The following ST3GAL3 variants were observed in gnomAD, a reference collection of about 807,000 sequenced individuals.
The protein encoded by ST3GAL3 is CMP-N-acetylneuraminate-beta-1,4-galactoside alpha-2,3-sialyltransferase.
A neutral mutation model predicts 50.1 loss-of-function variants in ST3GAL3; 21 were observed. The observed-to-expected ratio is 0.42, with a 90% CI of 0.30 to 0.60. The LOEUF (loss-of-function observed/expected upper bound fraction) is 0.60. Among genes scored for constraint, ST3GAL3 ranks in the 20% least tolerant of loss-of-function variants. The pLI, the probability that ST3GAL3 is intolerant of heterozygous loss-of-function variation, is 0.19. For missense variants in ST3GAL3, 353 were observed against 489.4 expected (o/e 0.72, Z 2.63); for synonymous variants, 183 against 190.0 (o/e 0.96, Z 0.30).
At chr1:43,797,464 A>G (rs1350529592) in intron 3 of ST3GAL3, among the ~76,000 whole-genome samples, 1 of 152,206 alleles carries the variant, frequency 6.6e-6, no homozygotes, top group African/African-American at 2.4e-5. Context: ...AGTGTGGTTT[A>G]TCCTGGGAAT....
chr1:43,864,107 C>A (rs565726500), intron 5 of ST3GAL3, among the ~76,000 whole-genome samples: 1 of 151,940 alleles, frequency 6.6e-6, no homozygotes, highest in Non-Finnish European at 1.5e-5. Flanking sequence ...GGCAAAACCC[C>A]GTCTCTACTA....
chr1:43,736,426 G>A, intron 2 of ST3GAL3, 46 bp downstream of exon 2: 1 of 1,614,092 alleles, frequency 6.2e-7, no homozygotes, highest in East Asian at 2.2e-5. Flanking sequence ...CCTGTTGCAG[G>A]TCAGTTACTG....
At chr1:43,745,742 C>T (rs1372648789) in intron 2 of ST3GAL3, among the ~76,000 whole-genome samples, 6 of 152,202 alleles carry the variant, frequency 3.9e-5, no homozygotes, top group African/African-American at 1.4e-4. Flanking sequence ...AATTCTCATG[C>T]CTCAGCCTCC....
intron 1 of ST3GAL3, among the ~76,000 whole-genome samples, chr1:43,731,599 G>A (rs567781485): frequency 7.1e-6 from 1 of 140,888 alleles, no homozygotes; most frequent in Non-Finnish European, 1.5e-5. Context: ...GGGTTTCACT[G>A]TGTTAGCCAG....
intron 4 of ST3GAL3, among the ~76,000 whole-genome samples, chr1:43,828,841 G>A (rs1189002537): frequency 1.3e-5 from 2 of 152,098 alleles, no homozygotes; most frequent in Admixed American, 1.3e-4. Context: ...GCACAGTTTG[G>A]CCACTTTGGA....
At chr1:43,856,921 G>A (rs1243991112) in intron 5 of ST3GAL3, among the ~76,000 whole-genome samples, 1 of 151,886 alleles carries the variant, frequency 6.6e-6, no homozygotes, top group African/African-American at 2.4e-5. Flanking sequence ...TGGAGCTGCG[G>A]TAGACATCCA....
In ST3GAL3 at chr1:43,899,781, C is replaced by A; in HGVS notation, c.744+54C>A. 6.6e-7 allele frequency: 1 copy of A among 1,511,362 alleles called. No homozygotes were observed. The highest frequency in any genetic ancestry group is 1.4e-5 in the African/African-American group (1 of 73,048). The allele number at this position is 1,511,362 out of a possible 1,614,324, so 93.6% of individuals were successfully genotyped here. A position where few individuals can be genotyped will look rare whatever the true frequency, so the allele number is the denominator to read the frequency against. ...CCTCTTGCCCTGGGCTTCCGCAACT[C>A]CTAAGCAATCCCGCCCCTTGAATGC... On this transcript the variant is annotated intron_variant, in intron 9 of 11. Coordinates refer to ENST00000347631, the MANE Select transcript of ST3GAL3 (RefSeq NM_006279.5). The surrounding 1 kb of genome is among the most constrained non-coding windows in gnomAD (Gnocchi z 5.4).
chr1:43,725,120 A>T (rs1672287948), intron 1 of ST3GAL3, among the ~76,000 whole-genome samples: 1 of 152,196 alleles, frequency 6.6e-6, no homozygotes. Context: ...TGTGGAGAGG[A>T]TGTGTCCAAA....
intron 5 of ST3GAL3, among the ~76,000 whole-genome samples, chr1:43,875,977 ATTATTT>A (rs1558683939): frequency 7.5e-6 from 1 of 133,822 alleles, no homozygotes; most frequent in African/African-American, 2.6e-5. Context: ...TATTATTATT[ATTATTT>A]TTGAGACAGG....
chr1:43,795,197 G>A lies in ST3GAL3; in HGVS notation c.166+3048G>A, dbSNP rs2058550195. Among the ~76,000 whole-genome samples the A allele has an allele frequency of 2.0e-5, 3 of 152,346 alleles. No individual in the cohort carries two copies. The South Asian group carries it at 6.2e-4, about 32-fold the overall frequency. On this transcript the variant is annotated intron_variant, in intron 3 of 11. Coordinates refer to ENST00000347631, the MANE Select transcript of ST3GAL3 (RefSeq NM_006279.5). ...TCCATCTCCCTTGGAGTTATAAAAAGATCTTGGGCTTAATCTGCAAATAAC... is the reference window on the plus strand; with the variant it reads ...TCCATCTCCCTTGGAGTTATAAAAAAATCTTGGGCTTAATCTGCAAATAAC...
At position 43,920,897 on chromosome 1, in the gene ST3GAL3, A is replaced by G. The variant is rs1408543954; in HGVS notation, c.1007A>G (p.Tyr336Cys). 1.2e-6 allele frequency: 2 copies of G among 1,613,892 alleles called. No homozygotes were observed. Among genetic ancestry groups the G allele is most frequent in the Non-Finnish European group, 1.7e-6 (2 of 1,179,932 alleles). Residue 336 changes from tyrosine to cysteine, a missense_variant, in exon 11 of 12, where the codon TAT becomes TGT. Transcript: ENST00000347631. ...MSTPNAPLHY[Y>C]ETVRMAAIKE... ...ACACCCAACGCACCCCTGCACTACTATGAGACCGTTCGCATGGCAGCCATC... is the reference window on the plus strand; with the variant it reads ...ACACCCAACGCACCCCTGCACTACTGTGAGACCGTTCGCATGGCAGCCATC...
intron 5 of ST3GAL3, among the ~76,000 whole-genome samples, chr1:43,856,035 A>C (rs1160868141): frequency 6.6e-6 from 1 of 152,252 alleles, no homozygotes; most frequent in Non-Finnish European, 1.5e-5. Flanking sequence ...CAGGTTTACA[A>C]CTGCGGTCAT....
intron 2 of ST3GAL3, among the ~76,000 whole-genome samples, chr1:43,761,212 C>G (rs573383906): frequency 6.6e-6 from 1 of 152,058 alleles, no homozygotes; most frequent in Admixed American, 6.6e-5. Context: ...CCTGGGAATT[C>G]TTGTAAGATT....
chr1:43,791,783 T>G (rs531253720), intron 2 of ST3GAL3, among the ~76,000 whole-genome samples: 1 of 152,360 alleles, frequency 6.6e-6, no homozygotes, highest in African/African-American at 2.4e-5. Context: ...TATTTTGCTT[T>G]GTTTTAATTC....
chr1:43,785,379 A>C (rs778516767), intron 2 of ST3GAL3, among the ~76,000 whole-genome samples: 1 of 152,228 alleles, frequency 6.6e-6, no homozygotes, highest in African/African-American at 2.4e-5. Flanking sequence ...ACAGCCATCC[A>C]GAAGGTAGAG....
chr1:43,748,027 C>T (rs1043471228), intron 2 of ST3GAL3, among the ~76,000 whole-genome samples: 2 of 152,122 alleles, frequency 1.3e-5, no homozygotes, highest in Non-Finnish European at 2.9e-5. Flanking sequence ...TGTCCAGGAA[C>T]CCACTAAGAG....
In ST3GAL3 at chr1:43,930,827, T is replaced by C; in HGVS notation, c.*606T>C. On this transcript the variant is annotated 3_prime_UTR_variant, in exon 12 of 12. Transcript: ENST00000347631. Reference sequence around the variant, plus strand: ...GCGGGGTATTCCCACTCACCAGCCCTAGCTGTCCCATGGGGAAACCCTGGA... The same window carrying C: ...GCGGGGTATTCCCACTCACCAGCCCCAGCTGTCCCATGGGGAAACCCTGGA... 5.6e-6 allele frequency: 1 copy of C among 179,172 alleles called. No homozygotes were observed. Among genetic ancestry groups the C allele is most frequent in the Non-Finnish European group, 1.2e-5 (1 of 83,202 alleles). The allele number at this position is 179,172 out of a possible 1,614,324, so 11.1% of individuals were successfully genotyped here.
In ST3GAL3 at chr1:43,850,956, C is replaced by T. The variant is rs1009749554; in HGVS notation, c.302+12645C>T. 4.5e-5 allele frequency: 45 copies of T among 1,005,762 alleles called. No homozygotes were observed. In the East Asian group the frequency reaches 5.7e-4, roughly 13 times the overall value. 62.3% of individuals were successfully genotyped at this position (1,005,762 alleles called of 1,614,324 possible). On this transcript the variant is annotated intron_variant, in intron 5 of 11. Transcript: ENST00000347631. ...CCCTCCTTTCCTGTAGAAGATCGTG[C>T]GGACTTGGCAGCCTCTCAGGTTCTT...
chr1:43,786,511 G>A (rs1466192925), intron 2 of ST3GAL3, among the ~76,000 whole-genome samples: 1 of 152,148 alleles, frequency 6.6e-6, no homozygotes, highest in Non-Finnish European at 1.5e-5. Flanking sequence ...CCAGGTCTCA[G>A]CCTGGGTGCC....
Sources: gnomAD v4.1 joint callset for allele counts (sites outside exome capture counted in the v4.1 genomes callset) on GRCh38, gnomAD v4.1.1 for gene constraint, Gnocchi (gnomAD v3.1) non-coding constraint, MANE v1.5 for transcripts, NCBI Gene and HGNC (gene_info 2026-07-23, HGNC 2026-07-21) for gene names.